The following SLC4A10 variants were observed in gnomAD, a reference collection of about 807,000 sequenced individuals.
SLC4A10 encodes sodium-driven chloride bicarbonate exchanger.
A neutral mutation model predicts 137.7 loss-of-function variants in SLC4A10; 42 were observed. The observed-to-expected ratio is 0.30, with a 90% CI of 0.24 to 0.39. SLC4A10 has a LOEUF of 0.39. SLC4A10 is among the 10% of genes least tolerant of loss of function. The pLI is 1.00. For missense variants in SLC4A10, 925 were observed against 1,355.0 expected, an observed-to-expected ratio of 0.68 and a Z score of 4.98; for synonymous variants, 474 against 464.1, an observed-to-expected ratio of 1.02 and a Z score of -0.27.
chr2:161,812,927 C>A (rs536422642), intron 3 of SLC4A10, among the ~76,000 whole-genome samples: 39 of 152,132 alleles, frequency 2.6e-4, no homozygotes, highest in African/African-American at 9.4e-4. Flanking sequence ...AGAATAAATT[C>A]TGCATTTTCC....
intron 23 of SLC4A10, among the ~76,000 whole-genome samples, chr2:161,968,953 T>C (rs985404238): frequency 6.6e-6 from 1 of 152,224 alleles, no homozygotes; most frequent in Non-Finnish European, 1.5e-5. Flanking sequence ...CATCTTATAC[T>C]AAGGCCCAGT....
intron 26 of SLC4A10, 73 bp from the exon 27 acceptor site, chr2:161,983,106 G>A: frequency 7.1e-7 from 1 of 1,404,100 alleles, no homozygotes; most frequent in Non-Finnish European, 9.7e-7. Flanking sequence ...CGGGTTTTAT[G>A]TCTGAGCAAG....
intron 2 of SLC4A10, among the ~76,000 whole-genome samples, chr2:161,795,477 C>G (rs1443810916): frequency 6.6e-6 from 1 of 152,038 alleles, no homozygotes; most frequent in Non-Finnish European, 1.5e-5. Context: ...GAAATCATTA[C>G]TAGCATCAAA....
At chr2:161,845,492 C>A (rs1326707791) in intron 4 of SLC4A10, among the ~76,000 whole-genome samples, 3 of 152,028 alleles carry the variant, frequency 2.0e-5, no homozygotes, top group Admixed American at 6.6e-5. Context: ...TCTTAACTAA[C>A]AAACTGTTTG....
At chr2:161,926,905 G>A (rs962584876) in intron 15 of SLC4A10, among the ~76,000 whole-genome samples, 1 of 151,838 alleles carries the variant, frequency 6.6e-6, no homozygotes, top group Non-Finnish European at 1.5e-5. Flanking sequence ...CTTCTGGCTT[G>A]TAGAGTTTCT....
intron 15 of SLC4A10, among the ~76,000 whole-genome samples, chr2:161,919,301 G>T (rs1328394507): frequency 6.6e-6 from 1 of 152,106 alleles, no homozygotes; most frequent in Non-Finnish European, 1.5e-5. Flanking sequence ...ACAGGCTCCT[G>T]GGCACAAAGG....
At chr2:161,650,743 A>G (rs964036101) in intron 1 of SLC4A10, among the ~76,000 whole-genome samples, 2 of 151,998 alleles carry the variant, frequency 1.3e-5, no homozygotes, top group South Asian at 4.2e-4. Context: ...CACTTAAAAC[A>G]CCAGCCCCCT....
intron 15 of SLC4A10, among the ~76,000 whole-genome samples, chr2:161,935,423 T>C (rs918667231): frequency 4.6e-5 from 7 of 152,208 alleles, no homozygotes; most frequent in Admixed American, 3.9e-4. Context: ...AAAATGTCAT[T>C]GGCATTTTGG....
chr2:161,955,701 A>C (rs1161961472), intron 19 of SLC4A10, among the ~76,000 whole-genome samples: 3 of 152,196 alleles, frequency 2.0e-5, no homozygotes, highest in Non-Finnish European at 4.4e-5. Flanking sequence ...AGAAAAGACT[A>C]CCATGACAAA....
intron 3 of SLC4A10, among the ~76,000 whole-genome samples, chr2:161,809,940 G>A (rs887350549): frequency 9.2e-5 from 14 of 152,130 alleles, no homozygotes; most frequent in South Asian, 4.1e-4. Flanking sequence ...GATAGAGATC[G>A]TATTGAATTC....
chr2:161,683,061 G>A (rs1408734192), intron 1 of SLC4A10, among the ~76,000 whole-genome samples: 2 of 152,092 alleles, frequency 1.3e-5, no homozygotes, highest in East Asian at 1.9e-4. Flanking sequence ...CAAGTCATTA[G>A]CCTCATTGAG....
chr2:161,904,686 C>A, intron 13 of SLC4A10, 90 bp from the exon 14 acceptor site: 1 of 1,487,726 alleles, frequency 6.7e-7, no homozygotes. Context: ...AAGCACAAAG[C>A]ACATATCCAT....
At chr2:161,634,599 G>A (rs56371522) in intron 1 of SLC4A10, among the ~76,000 whole-genome samples, 12,284 of 151,802 alleles carry the variant, frequency 0.081, 561 homozygotes, top group East Asian at 0.14. Context: ...ATACATATTT[G>A]TTCTGTAAAT....
At chr2:161,650,796 G>A (rs1159730351) in intron 1 of SLC4A10, among the ~76,000 whole-genome samples, 2 of 152,188 alleles carry the variant, frequency 1.3e-5, no homozygotes, top group Admixed American at 6.5e-5. Context: ...AATGAGCATG[G>A]GAGGGAGGCT....
At chr2:161,928,247 T>A (rs1380859295) in intron 15 of SLC4A10, among the ~76,000 whole-genome samples, 1 of 150,196 alleles carries the variant, frequency 6.7e-6, no homozygotes, top group African/African-American at 2.5e-5. Flanking sequence ...TTGGAAATCA[T>A]CATTCTCAGT....
chr2:161,705,948 T>A (rs1408470806), intron 1 of SLC4A10, among the ~76,000 whole-genome samples: 1 of 151,600 alleles, frequency 6.6e-6, no homozygotes, highest in East Asian at 1.9e-4. Flanking sequence ...TATGACCATA[T>A]CTTAATAACA....
chr2:161,731,602 T>C (rs1197301021), intron 1 of SLC4A10, among the ~76,000 whole-genome samples: 3 of 152,184 alleles, frequency 2.0e-5, no homozygotes, highest in African/African-American at 7.2e-5. Context: ...CTTACAGCTT[T>C]AATTTAAACT....
Position 161,624,660 on chromosome 2 carries a change from T to C in SLC4A10, c.48+94T>C, listed in dbSNP as rs566225136. 223 of 1,523,878 alleles carry C rather than the reference T, an allele frequency of 1.5e-4. 5 individuals carry two copies. The South Asian group carries it at 2.6e-3, about 18-fold the overall frequency. The allele number at this position is 1,523,878 out of a possible 1,614,324, so 94.4% of individuals were successfully genotyped here. A position where few individuals can be genotyped will look rare whatever the true frequency, so the allele number is the denominator to read the frequency against. On this transcript the variant is annotated intron_variant, in intron 1 of 26. Coordinates refer to ENST00000446997, the MANE Select transcript of SLC4A10 (RefSeq NM_001178015.2). ...CTAGCTAGGTGCAGCGAGTGTACTTTTGGGGTGGTGGATAGCTCCTACGAC... is the reference window on the plus strand; with the variant it reads ...CTAGCTAGGTGCAGCGAGTGTACTTCTGGGGTGGTGGATAGCTCCTACGAC...
intron 1 of SLC4A10, among the ~76,000 whole-genome samples, chr2:161,738,920 C>A (rs2047607639): frequency 6.6e-6 from 1 of 152,156 alleles, no homozygotes; most frequent in Admixed American, 6.5e-5. Flanking sequence ...CACTCTCAGG[C>A]AATATATAGC....
Sources: gnomAD v4.1 joint callset for allele counts (sites outside exome capture counted in the v4.1 genomes callset) on GRCh38, gnomAD v4.1.1 for gene constraint, MANE v1.5 for transcripts, NCBI Gene and HGNC (gene_info 2026-07-23, HGNC 2026-07-21) for gene names.